The following ASPH variants were observed in gnomAD, a reference collection of about 807,000 sequenced individuals.
ASPH encodes aspartyl/asparaginyl beta-hydroxylase.
ASPH carries 100 observed loss-of-function variants against 118.4 expected under a neutral mutation model. The ratio of observed to expected loss-of-function variants is 0.84; its 90% CI spans 0.72 to 1.00. The LOEUF (loss-of-function observed/expected upper bound fraction) is 1.00. Among genes scored for constraint, ASPH ranks in the 50% least tolerant of loss-of-function variants. The pLI, the probability that ASPH is intolerant of heterozygous loss-of-function variation, is 0.00. For missense variants in ASPH, 920 were observed against 919.5 expected (o/e 1.00, Z -0.01); for synonymous variants, 315 against 325.6 (o/e 0.97, Z 0.35).
chr8:61,507,588 C>T (rs1322055678), intron 24 of ASPH, among the ~76,000 whole-genome samples: 1 of 152,110 alleles, frequency 6.6e-6, no homozygotes, highest in African/African-American at 2.4e-5. Context: ...AACAATAAAA[C>T]ATCCTACAAG....
chr8:61,502,828 A>G lies in ASPH; in HGVS notation c.*531T>C, dbSNP rs1805170963. ...GCTTTTTTCATGAGTATCTTTTACT[A>G]AGAAGAATTAAAAGAGGGAAGTCTG... is the stretch of plus-strand genomic sequence containing the variant. On this transcript the variant is annotated 3_prime_UTR_variant, in exon 25 of 25. Transcript: ENST00000379454. 1 of 152,336 alleles carries G rather than the reference A, an allele frequency of 6.6e-6. No individual in the cohort carries two copies. The highest frequency in any genetic ancestry group is 2.1e-4 in the South Asian group (1 of 4,824). The allele number at this position is 152,336 out of a possible 1,614,324, so 9.4% of individuals were successfully genotyped here.
intron 3 of ASPH, chr8:61,663,632 C>G: frequency 2.0e-6 from 2 of 985,260 alleles, no homozygotes; most frequent in Non-Finnish European, 2.4e-6. Context: ...TTACAATGTT[C>G]TTGTAATGTG....
chr8:61,596,999 A>G (rs961506448), intron 14 of ASPH, among the ~76,000 whole-genome samples: 3 of 152,168 alleles, frequency 2.0e-5, no homozygotes, highest in African/African-American at 7.2e-5. Context: ...AAAAAAATTA[A>G]GAAAATAATT....
intron 1 of ASPH, among the ~76,000 whole-genome samples, chr8:61,688,915 T>A (rs1831649042): frequency 6.6e-6 from 1 of 152,228 alleles, no homozygotes; most frequent in South Asian, 2.1e-4. Flanking sequence ...TCAAATAATA[T>A]TCACATAGTA....
intron 24 of ASPH, among the ~76,000 whole-genome samples, chr8:61,511,554 G>C (rs1388971834): frequency 6.6e-6 from 1 of 152,158 alleles, no homozygotes; most frequent in Admixed American, 6.5e-5. Flanking sequence ...CTGGGGACAT[G>C]TTTATCCCCT....
At chr8:61,601,124 T>C (rs979622333) in intron 14 of ASPH, among the ~76,000 whole-genome samples, 3 of 151,336 alleles carry the variant, frequency 2.0e-5, no homozygotes, top group Middle Eastern at 3.4e-3. Context: ...TTAAAGAGAA[T>C]AGAAAAATCC....
At chr8:61,503,949 T>G (rs16927427) in intron 24 of ASPH, among the ~76,000 whole-genome samples, 12,757 of 152,276 alleles carry the variant, frequency 0.084, 1,551 homozygotes, top group African/African-American at 0.27. Context: ...GAAAGGAATC[T>G]GCTTAAACAC....
chr8:61,649,394 G>A (rs1353593648), intron 5 of ASPH, among the ~76,000 whole-genome samples: 1 of 152,152 alleles, frequency 6.6e-6, no homozygotes, highest in Non-Finnish European at 1.5e-5. Flanking sequence ...GAAGAATCAT[G>A]AGTTCTTTAA....
At chr8:61,688,211 TA>T (rs2151748956) in intron 1 of ASPH, among the ~76,000 whole-genome samples, 1 of 152,326 alleles carries the variant, frequency 6.6e-6, no homozygotes, top group African/African-American at 2.4e-5. Context: ...AGAATAAATC[TA>T]AGTCTTCATT....
chr8:61,533,938 T>C (rs1373161894), intron 21 of ASPH, among the ~76,000 whole-genome samples: 1 of 152,188 alleles, frequency 6.6e-6, no homozygotes, highest in Non-Finnish European at 1.5e-5. Context: ...TCAGTTTGTT[T>C]AATCCTTCTT....
At chr8:61,663,341 C>G in intron 3 of ASPH, 2 of 985,364 alleles carry the variant, frequency 2.0e-6, no homozygotes, top group Non-Finnish European at 2.4e-6. Context: ...CAGATGTTCA[C>G]CAGGCCTAAC....
intron 15 of ASPH, among the ~76,000 whole-genome samples, chr8:61,577,419 A>G (rs1835657401): frequency 6.7e-6 from 1 of 149,838 alleles, no homozygotes; most frequent in Non-Finnish European, 1.5e-5. Context: ...AAAAAAAAAA[A>G]AAAAGACAAG....
At chr8:61,675,081 C>T (rs1320776760) in intron 3 of ASPH, among the ~76,000 whole-genome samples, 1 of 152,116 alleles carries the variant, frequency 6.6e-6, no homozygotes, top group Non-Finnish European at 1.5e-5. Flanking sequence ...CTGAAGCAAA[C>T]TCATTTTTAA....
At position 61,550,322 on chromosome 8, in the gene ASPH, T is replaced by C. The variant is rs188699041; in HGVS notation, c.1627-2114A>G. Among the ~76,000 whole-genome samples the C allele has an allele frequency of 5.3e-3, 811 of 152,234 alleles. 4 individuals are homozygous for C. Among genetic ancestry groups the C allele is most frequent in the African/African-American group, 0.019 (773 of 41,528 alleles). The stretch of plus-strand genomic sequence containing the variant: ...TATTAAAATAGACAGTAGGAGGCCC[T>C]GGGACACAGGGGCAGTAAGAGCCCC... On this transcript the variant is annotated intron_variant, in intron 20 of 24. Coordinates refer to ENST00000379454, the MANE Select transcript of ASPH (RefSeq NM_004318.4).
chr8:61,701,204 T>C (rs1039014956), intron 1 of ASPH, among the ~76,000 whole-genome samples: 3 of 152,194 alleles, frequency 2.0e-5, no homozygotes, highest in Non-Finnish European at 4.4e-5. Flanking sequence ...ATAGCTGGCA[T>C]TGAAAATACG....
chr8:61,596,888 A>G (rs1842645787), intron 14 of ASPH, among the ~76,000 whole-genome samples: 1 of 152,258 alleles, frequency 6.6e-6, no homozygotes. Context: ...TTCCAGCAAC[A>G]GCTTCTGATG....
At chr8:61,600,826 G>C (rs373789321) in intron 14 of ASPH, among the ~76,000 whole-genome samples, 6 of 151,254 alleles carry the variant, frequency 4.0e-5, no homozygotes, top group Admixed American at 2.6e-4. Context: ...GTAAGAGCCA[G>C]CTATGTGGTA....
intron 3 of ASPH, among the ~76,000 whole-genome samples, chr8:61,654,423 T>G (rs1812608142): frequency 6.6e-6 from 1 of 152,014 alleles, no homozygotes; most frequent in Non-Finnish European, 1.5e-5. Context: ...AAGATTCCGT[T>G]TGCTGATCCT....
At chr8:61,659,323 C>T (rs1815499900) in intron 3 of ASPH, 1 of 152,188 alleles carries the variant, frequency 6.6e-6, no homozygotes, top group African/African-American at 2.4e-5. Flanking sequence ...ACTATAGACA[C>T]AGCATGTTGG....
Sources: gnomAD v4.1 joint callset for allele counts (sites outside exome capture counted in the v4.1 genomes callset) on GRCh38, gnomAD v4.1.1 for gene constraint, MANE v1.5 for transcripts, NCBI Gene and HGNC (gene_info 2026-07-23, HGNC 2026-07-21) for gene names.